Variants in PACSIN2 observed in about 807,000 individuals in gnomAD.
The protein encoded by PACSIN2 is protein kinase C and casein kinase substrate in neurons 2.
In PACSIN2, 25 loss-of-function variants were observed where a neutral mutation model predicts 63.8. The ratio of observed to expected loss-of-function variants is 0.39; its 90% CI spans 0.29 to 0.55. The LOEUF is 0.55. Ranked by LOEUF, PACSIN2 falls within the 20% of genes least tolerant of loss-of-function variation. PACSIN2 has a pLI of 0.62. For synonymous variants in PACSIN2, 255 were observed against 256.2 expected, an observed-to-expected ratio of 1.00 and a Z score of 0.05; for missense variants, 518 against 646.9, an observed-to-expected ratio of 0.80 and a Z score of 2.16.
intron 1 of PACSIN2, among the ~76,000 whole-genome samples, chr22:42,928,952 T>C (rs1932702775): frequency 6.6e-6 from 1 of 152,044 alleles, no homozygotes; most frequent in African/African-American, 2.4e-5. Flanking sequence ...AAGAAGAGAG[T>C]GGGATTCAAC....
chr22:42,882,087 A>T, intron 7 of PACSIN2, 97 bp downstream of exon 7: 1 of 1,410,780 alleles, frequency 7.1e-7, no homozygotes, highest in South Asian at 1.2e-5. Flanking sequence ...GGCAAACACT[A>T]ACATAGAGTC....
intron 2 of PACSIN2, among the ~76,000 whole-genome samples, chr22:42,899,739 C>T (rs1004070996): frequency 3.3e-5 from 5 of 152,168 alleles, no homozygotes; most frequent in Admixed American, 2.6e-4. Context: ...AGGTAGGGGG[C>T]CTCTCCCTGG....
rs980803704 is a variant in PACSIN2, at chr22:42,898,324, T to A, written c.61-4711A>T. Among the ~76,000 whole-genome samples the A allele has an allele frequency of 7.3e-5, 11 of 151,308 alleles. No homozygotes were observed. The South Asian group carries it at 1.5e-3, about 20-fold the overall frequency. The stretch of plus-strand genomic sequence containing the variant: ...TTCGCTCTTGTTGTCCAGGCTGGAG[T>A]GCAATGGTGCGATCTCGGCTCACCA... On this transcript the variant is annotated intron_variant, in intron 2 of 10. Transcript: ENST00000263246.
chr22:42,969,704 C>T (rs141787390), intron 1 of PACSIN2, among the ~76,000 whole-genome samples: 2 of 151,960 alleles, frequency 1.3e-5, no homozygotes, highest in East Asian at 1.9e-4. Flanking sequence ...TCTGAGAGGC[C>T]GAGGCATGAT....
intron 1 of PACSIN2, chr22:42,947,144 A>G (rs1933459360): frequency 6.6e-6 from 1 of 152,280 alleles, no homozygotes; most frequent in East Asian, 1.9e-4. Flanking sequence ...CTCCTGGCAT[A>G]AATAGAAGGA....
In PACSIN2 at chr22:42,979,965, T is replaced by C. The variant is rs188887435; in HGVS notation, c.-78+35056A>G. Reference sequence around the variant, plus strand: ...TACGCACATACATACAATACACATATAGTATAAATACACATACATGCTTAA... The same window carrying C: ...TACGCACATACATACAATACACATACAGTATAAATACACATACATGCTTAA... On this transcript the variant is annotated intron_variant, in intron 1 of 10. Transcript: ENST00000263246. Among the ~76,000 whole-genome samples, 238 of 152,210 alleles carry C rather than the reference T, an allele frequency of 1.6e-3. 1 individual carries two copies. Among genetic ancestry groups the C allele is most frequent in the African/African-American group, 5.4e-3 (224 of 41,530 alleles).
chr22:42,909,754 C>T (rs554739720), intron 2 of PACSIN2, among the ~76,000 whole-genome samples: 4 of 152,298 alleles, frequency 2.6e-5, no homozygotes, highest in African/African-American at 4.8e-5. Context: ...ACACTGGCAA[C>T]GTTCACCTGA....
chr22:42,873,398 C>T (rs1012493265), intron 10 of PACSIN2, among the ~76,000 whole-genome samples: 13 of 152,104 alleles, frequency 8.5e-5, no homozygotes, highest in African/African-American at 2.9e-4. Flanking sequence ...ACAAAAAAAC[C>T]CAACTTCTCA....
At chr22:42,957,830 T>G (rs1933976136) in intron 1 of PACSIN2, among the ~76,000 whole-genome samples, 1 of 152,142 alleles carries the variant, frequency 6.6e-6, no homozygotes, top group African/African-American at 2.4e-5. Context: ...GTGATTGTAT[T>G]AAGTTTGGCA....
chr22:42,939,512 G>A (rs1002005059), intron 1 of PACSIN2, among the ~76,000 whole-genome samples: 1 of 152,206 alleles, frequency 6.6e-6, no homozygotes, highest in East Asian at 1.9e-4. Context: ...CCAGAACGAT[G>A]CAACTCCACA....
chr22:42,974,843 G>A (rs1425958427), intron 1 of PACSIN2, among the ~76,000 whole-genome samples: 1 of 151,862 alleles, frequency 6.6e-6, no homozygotes, highest in Non-Finnish European at 1.5e-5. Context: ...GGAGGAGGAG[G>A]ACGAGGAGAA....
intron 1 of PACSIN2, among the ~76,000 whole-genome samples, chr22:42,948,516 T>C (rs1933533267): frequency 1.3e-5 from 2 of 152,174 alleles, no homozygotes; most frequent in African/African-American, 4.8e-5. Flanking sequence ...TGACTATCTA[T>C]AGTCCCAGAT....
chr22:42,929,583 C>G (rs2146771065), intron 1 of PACSIN2, among the ~76,000 whole-genome samples: 1 of 152,320 alleles, frequency 6.6e-6, no homozygotes, highest in East Asian at 1.9e-4. Context: ...ACGATCCTGT[C>G]TGGTTTCTTT....
chr22:42,994,116 C>T (rs550466047), intron 1 of PACSIN2, among the ~76,000 whole-genome samples: 3 of 152,304 alleles, frequency 2.0e-5, no homozygotes, highest in South Asian at 2.1e-4. Context: ...TCTGATATTG[C>T]GCCAGAATGC....
chr22:42,947,836 G>A (rs574674870), intron 1 of PACSIN2, among the ~76,000 whole-genome samples: 1 of 152,322 alleles, frequency 6.6e-6, no homozygotes, highest in Non-Finnish European at 1.5e-5. Context: ...GGAGTATGGG[G>A]ACCTTCCACA....
intron 6 of PACSIN2, among the ~76,000 whole-genome samples, chr22:42,883,910 A>G (rs1929269663): frequency 1.3e-5 from 2 of 152,312 alleles, no homozygotes; most frequent in South Asian, 2.1e-4. Flanking sequence ...AGGCTGAGGC[A>G]GGAGAACTGC....
intron 1 of PACSIN2, among the ~76,000 whole-genome samples, chr22:42,997,622 T>C (rs1923498709): frequency 6.6e-6 from 1 of 151,324 alleles, no homozygotes; most frequent in Non-Finnish European, 1.5e-5. Context: ...ATACATTGAA[T>C]TGCATGCAAA....
At chr22:42,981,406 G>A (rs1922111339) in intron 1 of PACSIN2, among the ~76,000 whole-genome samples, 1 of 128,944 alleles carries the variant, frequency 7.8e-6, no homozygotes, top group Non-Finnish European at 1.6e-5. Context: ...GGTGAGGGGC[G>A]CCTCTGCCCG....
chr22:42,908,519 G>A (rs1192684443), intron 2 of PACSIN2, among the ~76,000 whole-genome samples: 1 of 152,210 alleles, frequency 6.6e-6, no homozygotes, highest in East Asian at 1.9e-4. Flanking sequence ...GAGGGCCCCT[G>A]GGCTCCTGCA....
Sources: gnomAD v4.1 joint callset for allele counts (sites outside exome capture counted in the v4.1 genomes callset) on GRCh38, gnomAD v4.1.1 for gene constraint, MANE v1.5 for transcripts, NCBI Gene and HGNC (gene_info 2026-07-23, HGNC 2026-07-21) for gene names.